PCDH11X: variants seen among roughly 807,000 people sequenced by gnomAD.
PCDH11X encodes the protein protocadherin-11 X-linked.
A neutral mutation model predicts 53.3 loss-of-function variants in PCDH11X; 18 were observed. The ratio of observed to expected loss-of-function variants is 0.34; its 90% CI spans 0.23 to 0.50. PCDH11X has a LOEUF of 0.50. Among genes scored for constraint, PCDH11X ranks in the 20% least tolerant of loss-of-function variants. The pLI, the probability that PCDH11X is intolerant of heterozygous loss-of-function variation, is 0.98. For missense variants in PCDH11X, 570 were observed against 1,032.4 expected, an observed-to-expected ratio of 0.55 and a Z score of 6.14; for synonymous variants, 279 against 393.3, an observed-to-expected ratio of 0.71 and a Z score of 3.44.
chrX:92,115,848 C>T (rs1402348755), intron 6 of PCDH11X, among the ~76,000 whole-genome samples: 1 of 107,819 alleles, frequency 9.3e-6, no homozygotes, highest in Non-Finnish European at 1.9e-5. Context: ...GTTGGCCTTT[C>T]CCAGTTCACT....
At chrX:91,860,823 G>T (rs5984836) in intron 5 of PCDH11X, among the ~76,000 whole-genome samples, 1 of 111,641 alleles carries the variant, frequency 9.0e-6, no homozygotes, top group African/African-American at 3.3e-5. Flanking sequence ...TGACTTGATC[G>T]TGGTGGATAA....
At chrX:92,199,454 A>G (rs1181971068) in intron 6 of PCDH11X, among the ~76,000 whole-genome samples, 1 of 112,036 alleles carries the variant, frequency 8.9e-6, no homozygotes, top group Non-Finnish European at 1.9e-5. Context: ...GGTACATGTA[A>G]GGAAAGAGAA....
chrX:92,426,848 A>G, intron 9 of PCDH11X, among the ~76,000 whole-genome samples: 1 of 111,157 alleles, frequency 9.0e-6, no homozygotes, highest in Non-Finnish European at 1.9e-5. Flanking sequence ...CTTTATAAAC[A>G]TAGCAATTTA....
intron 10 of PCDH11X, among the ~76,000 whole-genome samples, chrX:92,482,293 T>C (rs1483916790): frequency 9.0e-6 from 1 of 111,598 alleles, no homozygotes; most frequent in African/African-American, 3.3e-5. Flanking sequence ...TTTTTCTAGA[T>C]TGAACTTTTA....
At chrX:92,278,437 C>T (rs1254002409) in intron 8 of PCDH11X, among the ~76,000 whole-genome samples, 1 of 111,357 alleles carries the variant, frequency 9.0e-6, no homozygotes, top group African/African-American at 3.3e-5. Context: ...CACGTGGGTG[C>T]AGGCGGGCTG....
At chrX:92,478,939 T>A (rs2073446472) in intron 10 of PCDH11X, among the ~76,000 whole-genome samples, 1 of 109,847 alleles carries the variant, frequency 9.1e-6, no homozygotes, top group South Asian at 3.9e-4. Context: ...ATGAATTATC[T>A]GTCTAATACT....
At chrX:92,567,960 T>C (rs1921694772) in intron 10 of PCDH11X, among the ~76,000 whole-genome samples, 1 of 109,502 alleles carries the variant, frequency 9.1e-6, no homozygotes, top group African/African-American at 3.3e-5. Flanking sequence ...CGTTTACATA[T>C]GTAGCAAACC....
At chrX:91,982,628 A>G in intron 6 of PCDH11X, 3 of 1,072,529 alleles carry the variant, frequency 2.8e-6, no homozygotes, top group Non-Finnish European at 3.9e-6. Context: ...ATAGTTTAAA[A>G]TTAAACAATT....
chrX:91,907,403 A>ACC (rs1442736454), intron 6 of PCDH11X, among the ~76,000 whole-genome samples: 938 of 71,689 alleles, frequency 0.013, 17 homozygotes, highest in African/African-American at 0.025. Context: ...ACACACACAC[A>ACC]CACACACACA....
In PCDH11X at chrX:92,460,630, G is replaced by T. The variant is rs772311969; in HGVS notation, c.3344-7669G>T. The T allele has an allele frequency of 1.1e-5, 9 of 831,268 alleles. No homozygotes were observed. The African/African-American group carries it at 1.8e-4, about 17-fold the overall frequency. 68.5% of individuals were successfully genotyped at this position (831,268 alleles called of 1,213,427 possible). On this transcript the variant is annotated intron_variant, in intron 9 of 10. Transcript: ENST00000682573. ...TGAAGGCCAGCTTGGAGAACAACCC[G>T]AGGGAGGTGGAGGCCCGCTACTCCC... is the stretch of plus-strand genomic sequence containing the variant.
chrX:92,039,877 A>G (rs1472384000), intron 6 of PCDH11X, among the ~76,000 whole-genome samples: 1 of 105,927 alleles, frequency 9.4e-6, no homozygotes, highest in Admixed American at 1.0e-4. Context: ...ACCATGTACT[A>G]TCTGGTTATC....
At chrX:92,200,729 A>G (rs1457788852) in intron 6 of PCDH11X, among the ~76,000 whole-genome samples, 2 of 111,764 alleles carry the variant, frequency 1.8e-5, no homozygotes, top group Admixed American at 1.9e-4. Context: ...GGCAAATAGC[A>G]AATTTGTGTT....
chrX:91,781,314 G>A (rs1380521228), intron 1 of PCDH11X, among the ~76,000 whole-genome samples: 2 of 107,717 alleles, frequency 1.9e-5, no homozygotes, highest in African/African-American at 3.5e-5. Flanking sequence ...AGAAGGGGGA[G>A]GGGGGGCAGC....
At chrX:91,910,153 GT>G (rs1941323947) in intron 6 of PCDH11X, among the ~76,000 whole-genome samples, 1 of 107,793 alleles carries the variant, frequency 9.3e-6, no homozygotes, top group African/African-American at 3.4e-5. Flanking sequence ...GTGAAACAAA[GT>G]ATCTGAACTA....
At chrX:91,932,695 TGTGTGCGC>T (rs1238213001) in intron 6 of PCDH11X, among the ~76,000 whole-genome samples, 4 of 107,527 alleles carry the variant, frequency 3.7e-5, no homozygotes, top group Non-Finnish European at 7.7e-5. Context: ...TGTGTGTGTG[TGTGTGCGC>T]GCGCGCGCGC....
intron 6 of PCDH11X, among the ~76,000 whole-genome samples, chrX:92,190,219 C>T (rs2066171174): frequency 9.0e-6 from 1 of 111,208 alleles, no homozygotes; most frequent in Non-Finnish European, 1.9e-5. Context: ...GTCTTTAACC[C>T]ATCTTGTGTT....
chrX:92,165,179 A>G (rs1365911441), intron 6 of PCDH11X, among the ~76,000 whole-genome samples: 2 of 112,009 alleles, frequency 1.8e-5, no homozygotes, highest in African/African-American at 6.5e-5. Flanking sequence ...ATTTTAAGGT[A>G]TCATAAATAG....
intron 5 of PCDH11X, among the ~76,000 whole-genome samples, chrX:91,855,803 C>T (rs768055005): frequency 5.4e-4 from 60 of 111,060 alleles, no homozygotes; most frequent in African/African-American, 1.8e-3. Flanking sequence ...TCACATTGGT[C>T]GCTGTTGGCA....
chrX:92,465,752 C>T (rs1233240520), intron 9 of PCDH11X, among the ~76,000 whole-genome samples: 3 of 110,815 alleles, frequency 2.7e-5, no homozygotes, highest in African/African-American at 9.8e-5. Flanking sequence ...GTATTGTTCT[C>T]ATGATAAATT....
Sources: gnomAD v4.1 joint callset for allele counts (sites outside exome capture counted in the v4.1 genomes callset) on GRCh38, gnomAD v4.1.1 for gene constraint, MANE v1.5 for transcripts, NCBI Gene and HGNC (gene_info 2026-07-23, HGNC 2026-07-21) for gene names.